The following MGAM2 variants were observed in gnomAD, a reference collection of about 807,000 sequenced individuals.
MGAM2 encodes maltase-glucoamylase 2 (putative).
Under a neutral mutation model 96.1 loss-of-function variants are expected in MGAM2, and 98 were observed. That is an observed-to-expected ratio of 1.02 (90% CI 0.87 to 1.21). MGAM2 has a LOEUF of 1.21. MGAM2 is among the 50% of genes most tolerant of loss of function. The pLI, the probability that MGAM2 is intolerant of heterozygous loss-of-function variation, is 0.00. For missense variants in MGAM2, 2,055 were observed against 1,182.4 expected, an observed-to-expected ratio of 1.74 and a Z score of -10.82; for synonymous variants, 749 against 414.8, an observed-to-expected ratio of 1.81 and a Z score of -9.79.
rs541279663 is a variant in MGAM2, at chr7:142,142,652, C to G, written c.1318-1117C>G. ...GCAACCTCTGCCTCCCAGGTTCAAGCGATTCTCCTGCCTTAGCCTCCCAGG... is the reference window on the plus strand; with the variant it reads ...GCAACCTCTGCCTCCCAGGTTCAAGGGATTCTCCTGCCTTAGCCTCCCAGG... On this transcript the variant is annotated intron_variant, in intron 12 of 47. Transcript: ENST00000477922. Among the ~76,000 whole-genome samples the G allele has an allele frequency of 1.0e-3, 152 of 150,866 alleles. No individual in the cohort carries two copies. In the South Asian group the frequency reaches 0.017, roughly 17 times the overall value.
At chr7:142,175,297 A>G (rs1796337662) in intron 31 of MGAM2, among the ~76,000 whole-genome samples, 1 of 152,166 alleles carries the variant, frequency 6.6e-6, no homozygotes, top group Non-Finnish European at 1.5e-5. Flanking sequence ...TTTGTTTCCT[A>G]GGAAAGTCCC....
chr7:142,167,175 T>C (rs1796052879), intron 25 of MGAM2, 93 bp from the exon 26 acceptor site: 4 of 606,844 alleles, frequency 6.6e-6, no homozygotes, highest in Admixed American at 5.6e-5. Context: ...GGACATGGTA[T>C]TAGAGACTTA....
chr7:142,164,239 A>G (rs957581105), intron 23 of MGAM2, among the ~76,000 whole-genome samples: 4 of 152,048 alleles, frequency 2.6e-5, no homozygotes, highest in African/African-American at 9.7e-5. Flanking sequence ...CTTAATTTCT[A>G]CCTTCTTCTT....
rs996224497 is a variant in MGAM2 at position 142,164,843 on chromosome 7, T to C, written c.2485-13T>C. On this transcript the variant is annotated splice_polypyrimidine_tract_variant and intron_variant, in intron 23 of 47. Coordinates refer to ENST00000477922, the MANE Select transcript of MGAM2 (RefSeq NM_001293626.2). ...TACCTGGTTTCCAATCTGACTTTTT[T>C]TTCCCCTCCCAGAACCATCTACAAG... 2 of 675,938 alleles carry C rather than the reference T, an allele frequency of 3.0e-6. No individual in the cohort carries two copies. Among genetic ancestry groups the C allele is most frequent in the African/African-American group, 3.6e-5 (2 of 55,684 alleles). The allele number at this position is 675,938 out of a possible 1,614,324, so 41.9% of individuals were successfully genotyped here. A position where few individuals can be genotyped will look rare whatever the true frequency, so the allele number is the denominator to read the frequency against.
chr7:142,208,668 A>T (rs1429069988), intron 46 of MGAM2, 46 bp downstream of exon 46: 1 of 694,588 alleles, frequency 1.4e-6, no homozygotes, highest in African/African-American at 1.8e-5. Context: ...CCAGGTGTCT[A>T]CAGATTAAAC....
chr7:142,161,933 G>A (rs774909273), intron 22 of MGAM2, 22 bp from the exon 23 acceptor site: 19 of 683,588 alleles, frequency 2.8e-5, no homozygotes, highest in South Asian at 6.3e-5. Flanking sequence ...CATAGTAACC[G>A]GTACTCCTCT....
chr7:142,165,534 A>G (rs1796005400), intron 24 of MGAM2, among the ~76,000 whole-genome samples: 1 of 152,178 alleles, frequency 6.6e-6, no homozygotes, highest in African/African-American at 2.4e-5. Context: ...GTTATTTCTT[A>G]GATCAGCCCC....
chr7:142,139,169 A>G (rs1268367269), intron 10 of MGAM2, among the ~76,000 whole-genome samples: 1 of 152,186 alleles, frequency 6.6e-6, no homozygotes, highest in Non-Finnish European at 1.5e-5. Context: ...CTCCTCCCAG[A>G]TCTGATAAAC....
chr7:142,140,897 G>C lies in MGAM2; in HGVS notation c.1182G>C (p.Glu394Asp). 2 of 702,912 alleles carry C rather than the reference G, an allele frequency of 2.8e-6. No individual in the cohort carries two copies. Among genetic ancestry groups the C allele is most frequent in the Non-Finnish European group, 2.6e-6 (1 of 384,950 alleles). 43.5% of individuals were successfully genotyped at this position (702,912 alleles called of 1,614,324 possible). A position where few individuals can be genotyped will look rare whatever the true frequency, so the allele number is the denominator to read the frequency against. Residue 394 changes from glutamate (E) to aspartate (D), a missense_variant, in exon 11 of 48, where the codon GAG becomes GAC. Glu to Asp is a conservative substitution (Grantham distance 45). Coordinates refer to ENST00000477922, the MANE Select transcript of MGAM2 (RefSeq NM_001293626.2). ...AYSGLPDFVK[E>D]LHDNGQKYLI... ...CTGGTCTCCCAGATTTTGTCAAGGA[G>C]TTACATGACAATGGACAGAAATATC...
rs1401926695 is a variant in MGAM2 at position 142,189,477 on chromosome 7, G to A, written c.4318G>A (p.Gly1440Arg). 6.9e-6 allele frequency: 6 copies of A among 864,146 alleles called. No individual in the cohort carries two copies. The highest frequency in any genetic ancestry group is 1.4e-5 in the South Asian group (1 of 69,956). The allele number at this position is 864,146 out of a possible 1,614,324, so 53.5% of individuals were successfully genotyped here. ...VEHYNVHNLY[G>R]WSQTRPTYEA... Reference sequence around the variant, plus strand: ...GCACTACAACGTGCACAACCTGTACGGGTGGTCCCAGACCAGACCCACATA... The same window carrying A: ...GCACTACAACGTGCACAACCTGTACAGGTGGTCCCAGACCAGACCCACATA... The change falls in exon 37 of 48, where the codon GGG becomes AGG. Residue 1440 changes from glycine to arginine, a missense_variant. Transcript: ENST00000477922.
Position 142,212,545 on chromosome 7 carries a change from G to A in MGAM2, c.5187+3923G>A, listed in dbSNP as rs567031675. 1.9e-4 allele frequency among the ~76,000 whole-genome samples: 29 copies of A among 152,134 alleles called. 1 individual carries two copies. In the South Asian group the frequency reaches 5.8e-3, roughly 30 times the overall value. On this transcript the variant is annotated intron_variant, in intron 46 of 47. Transcript: ENST00000477922. ...AATGGGAAGTAAAAAGAAAAAGCAG[G>A]GGTTGCAATTTTCATCTCTGATAAA...
intron 17 of MGAM2, among the ~76,000 whole-genome samples, chr7:142,156,417 G>A (rs1795739766): frequency 2.6e-5 from 4 of 152,128 alleles, no homozygotes; most frequent in Admixed American, 1.3e-4. Flanking sequence ...GAAGTAAAAT[G>A]CAATTCTACC....
At position 142,196,270 on chromosome 7, in the gene MGAM2, T is replaced by C; in HGVS notation, c.4463T>C (p.Leu1488Pro). The change falls in exon 38 of 48, where the codon CTG becomes CCG. Residue 1488 changes from leucine to proline, a missense_variant. By Grantham distance (98) the Leu-to-Pro change is moderately conservative (BLOSUM62 -3). Transcript: ENST00000477922. The stretch of plus-strand genomic sequence containing the variant: ...AACAACACAGCTGCATGGGACCAGC[T>C]GGGGAAATCTATCATTGGTGTGTGG... ...LGNNTAAWDQLGKSIIGMMEF... is the reference protein window; with the variant it reads ...LGNNTAAWDQPGKSIIGMMEF... 1.3e-6 allele frequency: 1 copy of C among 779,296 alleles called. No homozygotes were observed. Among genetic ancestry groups the C allele is most frequent in the Non-Finnish European group, 2.3e-6 (1 of 444,074 alleles). The allele number at this position is 779,296 out of a possible 1,614,324, so 48.3% of individuals were successfully genotyped here.
chr7:142,141,083 G>A lies in MGAM2; in HGVS notation c.1281G>A (p.Val427=). The change falls in exon 12 of 48, where the codon GTG becomes GTA. Residue 427 remains valine (V), a synonymous_variant. Coordinates refer to ENST00000477922, the MANE Select transcript of MGAM2 (RefSeq NM_001293626.2). ...ATAATAATGGAAGCCTAAAGAGAGT[G>A]TGGATCTTGGGGAGCAATGGCTTTG... is the stretch of plus-strand genomic sequence containing the variant. ...EPYNNGSLKR[V]WILGSNGFAV... The A allele has an allele frequency of 1.4e-6, 1 of 701,682 alleles. No individual in the cohort carries two copies. Among genetic ancestry groups the A allele is most frequent in the Non-Finnish European group, 2.6e-6 (1 of 384,368 alleles). 43.5% of individuals were successfully genotyped at this position (701,682 alleles called of 1,614,324 possible).
intron 22 of MGAM2, 25 bp downstream of exon 22, chr7:142,161,238 C>G (rs1178575319): frequency 5.7e-6 from 4 of 700,776 alleles, no homozygotes; most frequent in Non-Finnish European, 1.0e-5. Flanking sequence ...GGCACCATCC[C>G]TGTGGATCAC....
In MGAM2 at chr7:142,159,348, G is replaced by A. The variant is rs1399794476; in HGVS notation, c.2220+5G>A. 2.0e-5 allele frequency: 14 copies of A among 702,268 alleles called. No homozygotes were observed. Among genetic ancestry groups the A allele is most frequent in the Non-Finnish European group, 3.6e-5 (14 of 384,512 alleles). The allele number at this position is 702,268 out of a possible 1,614,324, so 43.5% of individuals were successfully genotyped here. On this transcript the variant is annotated splice_donor_5th_base_variant and intron_variant, in intron 20 of 47. Coordinates refer to ENST00000477922, the MANE Select transcript of MGAM2 (RefSeq NM_001293626.2). ...ACCTGGTATGACTATGAGACAGTAAGTAAGGCAGCCCTGGTTGGCTCACAG... is the reference window on the plus strand; with the variant it reads ...ACCTGGTATGACTATGAGACAGTAAATAAGGCAGCCCTGGTTGGCTCACAG...
chr7:142,222,142 C>T lies in MGAM2; in HGVS notation c.*83C>T. ...TATAGAAAATCAGTTACGAGACACT[C>T]TATCTATCTTATGCTACTTAAGTTT... On this transcript the variant is annotated 3_prime_UTR_variant, in exon 48 of 48. Transcript: ENST00000477922. The T allele has an allele frequency of 7.6e-6, 3 of 396,814 alleles. No homozygotes were observed. Among genetic ancestry groups the T allele is most frequent in the Non-Finnish European group, 8.9e-6 (2 of 225,094 alleles). 24.6% of individuals were successfully genotyped at this position (396,814 alleles called of 1,614,324 possible).
At chr7:142,140,054 C>G (rs546075541) in intron 10 of MGAM2, among the ~76,000 whole-genome samples, 1 of 152,230 alleles carries the variant, frequency 6.6e-6, no homozygotes, top group East Asian at 1.9e-4. Context: ...CCTGTAAGGT[C>G]GAGACTCCTA....
At position 142,173,241 on chromosome 7, in the gene MGAM2, C is replaced by T; in HGVS notation, c.3574C>T (p.Pro1192Ser). 1.4e-6 allele frequency: 1 copy of T among 702,956 alleles called. No homozygotes were observed. Among genetic ancestry groups the T allele is most frequent in the Non-Finnish European group, 2.6e-6 (1 of 384,888 alleles). The allele number at this position is 702,956 out of a possible 1,614,324, so 43.5% of individuals were successfully genotyped here. A position where few individuals can be genotyped will look rare whatever the true frequency, so the allele number is the denominator to read the frequency against. Residue 1192 changes from proline to serine, a missense_variant, in exon 31 of 48, where the codon CCA (proline) becomes TCA (serine). Transcript: ENST00000477922. ...CTTTTTATTCTAGTTGATTGGTCGG[C>T]CAGCAATGATTCCATACTGGGCCTT... ...TQQYTELIGR[P>S]AMIPYWALGF...
Sources: gnomAD v4.1 joint callset for allele counts (sites outside exome capture counted in the v4.1 genomes callset) on GRCh38, gnomAD v4.1.1 for gene constraint, MANE v1.5 for transcripts, NCBI Gene and HGNC (gene_info 2026-07-23, HGNC 2026-07-21) for gene names.